The following ZNF462 variants were observed in gnomAD, a reference collection of about 807,000 sequenced individuals.
ZNF462 encodes zinc finger PBX1-interacting protein.
ZNF462 carries 10 observed loss-of-function variants against 201.9 expected under a neutral mutation model. The observed-to-expected ratio is 0.05, with a 90% CI of 0.03 to 0.08. The LOEUF is 0.08. Among genes scored for constraint, ZNF462 ranks in the 10% least tolerant of loss-of-function variants. The pLI is 1.00. For synonymous variants in ZNF462, 1,227 were observed against 1,193.3 expected (o/e 1.03, Z -0.58); for missense variants, 2,523 against 3,168.3 (o/e 0.80, Z 4.89).
At position 106,890,808 on chromosome 9, in the gene ZNF462, A is replaced by G. The variant is rs1828543320; in HGVS notation, c.-31+27453A>G. ...TAGTAGACTATGTTGTTCAATTATC[A>G]TGAGATTACCACATACTCTTGCCTG... On this transcript the variant is annotated intron_variant, in intron 1 of 12. Coordinates refer to ENST00000277225, the MANE Select transcript of ZNF462 (RefSeq NM_021224.6). This position sits in a 1 kb window ranked among gnomAD's most constrained non-coding sequence, Gnocchi z 4.2. 6.6e-6 allele frequency among the ~76,000 whole-genome samples: 1 copy of G among 152,174 alleles called. No homozygotes were observed. Among genetic ancestry groups the G allele is most frequent in the African/African-American group, 2.4e-5 (1 of 41,450 alleles).
rs1319696329 is a variant in ZNF462 at position 106,920,385 on chromosome 9, A to C, written c.-30-2969A>C. On this transcript the variant is annotated intron_variant, in intron 1 of 12. Transcript: ENST00000277225. This position sits in a 1 kb window ranked among gnomAD's most constrained non-coding sequence, Gnocchi z 4.3. Reference sequence around the variant, plus strand: ...ATTTTCTTCTTCTGTCAGCGTCTTCAGGAGAAATGTGTACACAAAAGCAAG... The same window carrying C: ...ATTTTCTTCTTCTGTCAGCGTCTTCCGGAGAAATGTGTACACAAAAGCAAG... 6.6e-6 allele frequency among the ~76,000 whole-genome samples: 1 copy of C among 152,160 alleles called. No individual in the cohort carries two copies. Among genetic ancestry groups the C allele is most frequent in the East Asian group, 1.9e-4 (1 of 5,190 alleles).
At chr9:106,996,738 G>A (rs1828763282) in intron 10 of ZNF462, among the ~76,000 whole-genome samples, 1 of 152,098 alleles carries the variant, frequency 6.6e-6, no homozygotes, top group Non-Finnish European at 1.5e-5. Flanking sequence ...TGGGTAGATT[G>A]TAAAAATTTT....
chr9:106,925,860 T>G lies in ZNF462; in HGVS notation c.1948T>G (p.Ser650Ala). The part of the protein sequence containing the change: ...PLENETDSHP[S>A]SSNTVKKSQT... ...GGAAAATGAGACAGACAGCCACCCC[T>G]CTTCCAGCAACACTGTGAAGAAAAG... The change falls in exon 3 of 13, where the codon TCT (serine) becomes GCT (alanine). Residue 650 changes from serine to alanine, a missense_variant. Physicochemically the swap from Ser to Ala is moderately conservative, Grantham distance 99. Coordinates refer to ENST00000277225, the MANE Select transcript of ZNF462 (RefSeq NM_021224.6). This position sits in a 1 kb window ranked among gnomAD's most constrained non-coding sequence, Gnocchi z 7.9. 6.2e-7 allele frequency: 1 copy of G among 1,614,178 alleles called. No homozygotes were observed. The highest frequency in any genetic ancestry group is 1.7e-5 in the Admixed American group (1 of 60,026).
intron 7 of ZNF462, among the ~76,000 whole-genome samples, chr9:106,959,688 T>C (rs1033819314): frequency 6.6e-6 from 1 of 152,096 alleles, no homozygotes; most frequent in African/African-American, 2.4e-5. Flanking sequence ...GGTTTTGCCA[T>C]CTATATAATG....
At position 106,938,889 on chromosome 9, in the gene ZNF462, C is replaced by A; in HGVS notation, c.6236-27C>A. 6.4e-7 allele frequency: 1 copy of A among 1,574,364 alleles called. No homozygotes were observed. The highest frequency in any genetic ancestry group is 8.6e-7 in the Non-Finnish European group (1 of 1,160,592). Reference sequence around the variant, plus strand: ...ACCCTTCTCCCCTCTTTTTCCTGTTCTATTTCTTGTCACCATCCTCTTCCA... The same window carrying A: ...ACCCTTCTCCCCTCTTTTTCCTGTTATATTTCTTGTCACCATCCTCTTCCA... On this transcript the variant is annotated intron_variant, in intron 6 of 12. Transcript: ENST00000277225. The surrounding 1 kb of genome is among the most constrained non-coding windows in gnomAD (Gnocchi z 4.4).
rs1363989062 is a variant in ZNF462 at position 106,872,179 on chromosome 9, G to A, written c.-31+8824G>A. On this transcript the variant is annotated intron_variant, in intron 1 of 12. Transcript: ENST00000277225. The surrounding 1 kb of genome is among the most constrained non-coding windows in gnomAD (Gnocchi z 4.5). Reference sequence around the variant, plus strand: ...CCATGGGCCTGATGGAGGGTCCTTCGTTTGGGGTACAATTTGAATGCTGGG... The same window carrying A: ...CCATGGGCCTGATGGAGGGTCCTTCATTTGGGGTACAATTTGAATGCTGGG... 6.6e-6 allele frequency among the ~76,000 whole-genome samples: 1 copy of A among 152,128 alleles called. No individual in the cohort carries two copies. Among genetic ancestry groups the A allele is most frequent in the Non-Finnish European group, 1.5e-5 (1 of 68,018 alleles).
intron 1 of ZNF462, among the ~76,000 whole-genome samples, chr9:106,903,705 G>C (rs1175011618): frequency 6.6e-6 from 1 of 152,106 alleles, no homozygotes; most frequent in Non-Finnish European, 1.5e-5. Context: ...AACCACTGTT[G>C]CTTTAAAGTT....
chr9:106,904,744 G>T (rs1211451907), intron 1 of ZNF462, among the ~76,000 whole-genome samples: 5 of 152,160 alleles, frequency 3.3e-5, no homozygotes, highest in Non-Finnish European at 5.9e-5. Context: ...CTAAAAGTGT[G>T]TCCAAAGTTT....
rs1829994306 is a variant in ZNF462 at position 107,012,734 on chromosome 9, T to TTTGGG, written c.*1704_*1705insTTGGG. On this transcript the variant is annotated 3_prime_UTR_variant, in exon 13 of 13. Transcript: ENST00000277225. Reference sequence around the variant, plus strand: ...ATGTTTTTTTTTTTTTTTTTTTACTTGGAAGGGTTGTGGGAGGGTGGGAGG... The same window carrying TTTGGG: ...ATGTTTTTTTTTTTTTTTTTTTACTTTTGGGGGAAGGGTTGTGGGAGGGTGGGAGG... The TTTGGG allele has an allele frequency of 2.7e-5, 2 of 75,304 alleles. No individual in the cohort carries two copies. Among genetic ancestry groups the TTTGGG allele is most frequent in the Admixed American group, 1.6e-4 (1 of 6,234 alleles). 4.7% of individuals were successfully genotyped at this position (75,304 alleles called of 1,614,324 possible).
intron 1 of ZNF462, among the ~76,000 whole-genome samples, chr9:106,877,239 T>A (rs1462945239): frequency 1.3e-5 from 2 of 150,210 alleles, no homozygotes; most frequent in East Asian, 3.9e-4. Context: ...AACATGTAAG[T>A]GGTTCTTTGG....
chr9:106,972,228 G>A lies in ZNF462; in HGVS notation c.6651G>A (p.Lys2217=), dbSNP rs760178385. The A allele has an allele frequency of 1.2e-6, 2 of 1,614,220 alleles. No homozygotes were observed. The highest frequency in any genetic ancestry group is 2.2e-5 in the East Asian group (1 of 44,884). The change falls in exon 8 of 13, where the codon AAG becomes AAA. Residue 2217 remains lysine (K), a synonymous_variant. Transcript: ENST00000277225. This position sits in a 1 kb window ranked among gnomAD's most constrained non-coding sequence, Gnocchi z 4.8. ...RRHYRDKHGG[K]KLFKCKDCSF... ...ATTACCGGGACAAGCATGGTGGGAAGAAGCTTTTCAAGTGCAAAGACTGCT... is the reference window on the plus strand; with the variant it reads ...ATTACCGGGACAAGCATGGTGGGAAAAAGCTTTTCAAGTGCAAAGACTGCT...
chr9:106,961,951 A>T (rs1287459749), intron 7 of ZNF462, among the ~76,000 whole-genome samples: 1 of 152,060 alleles, frequency 6.6e-6, no homozygotes, highest in East Asian at 1.9e-4. Context: ...GAATATTAGA[A>T]GCCTTGTATG....
chr9:106,908,553 T>A (rs986714723), intron 1 of ZNF462, among the ~76,000 whole-genome samples: 2 of 152,052 alleles, frequency 1.3e-5, no homozygotes, highest in African/African-American at 4.8e-5. Context: ...TATGTGTCTC[T>A]TACAGACAGA....
rs1015817444 is a variant in ZNF462 at position 106,926,435 on chromosome 9, G to A, written c.2523G>A (p.Arg841=). Residue 841 remains arginine, a synonymous_variant, in exon 3 of 13, where the codon AGG becomes AGA. Coordinates refer to ENST00000277225, the MANE Select transcript of ZNF462 (RefSeq NM_021224.6). The surrounding 1 kb of genome is among the most constrained non-coding windows in gnomAD (Gnocchi z 7.9). ...ACACAGACTTTGGTGACTCTGGAAG[G>A]CTTTACTATTGTAAACACTGTGACT... ...SENTDFGDSG[R]LYYCKHCDFN... is the part of the protein sequence containing the mutation. 3 of 1,614,002 alleles carry A rather than the reference G, an allele frequency of 1.9e-6. No individual in the cohort carries two copies. Among genetic ancestry groups the A allele is most frequent in the East Asian group, 2.2e-5 (1 of 44,890 alleles).
At chr9:106,884,724 G>T (rs543937901) in intron 1 of ZNF462, among the ~76,000 whole-genome samples, 13 of 152,160 alleles carry the variant, frequency 8.5e-5, no homozygotes, top group Admixed American at 2.6e-4. Flanking sequence ...TACATTTTTG[G>T]TTTTTTTGTT....
chr9:106,986,512 A>T (rs1588160825), intron 10 of ZNF462, among the ~76,000 whole-genome samples: 1 of 152,332 alleles, frequency 6.6e-6, no homozygotes, highest in Middle Eastern at 3.4e-3. Context: ...TTGTGTTCAA[A>T]TATAATAATA....
chr9:106,966,521 T>G lies in ZNF462; in HGVS notation c.6428-5484T>G, dbSNP rs539815305. Reference sequence around the variant, plus strand: ...CTCCATCTCTCTCACTCCCACATTCTGTGAGGCACAAAGTGCTGCTGATTT... The same window carrying G: ...CTCCATCTCTCTCACTCCCACATTCGGTGAGGCACAAAGTGCTGCTGATTT... On this transcript the variant is annotated intron_variant, in intron 7 of 12. Transcript: ENST00000277225. The surrounding 1 kb of genome is among the most constrained non-coding windows in gnomAD (Gnocchi z 4.4). 6.6e-6 allele frequency among the ~76,000 whole-genome samples: 1 copy of G among 152,236 alleles called. No individual in the cohort carries two copies. Among genetic ancestry groups the G allele is most frequent in the African/African-American group, 2.4e-5 (1 of 41,566 alleles).
At chr9:106,899,429 A>G (rs867774879) in intron 1 of ZNF462, among the ~76,000 whole-genome samples, 2 of 152,186 alleles carry the variant, frequency 1.3e-5, no homozygotes, top group Non-Finnish European at 2.9e-5. Flanking sequence ...TCAGCCTTAG[A>G]TGATGGGACA....
In ZNF462 at chr9:106,885,353, A is replaced by G. The variant is rs991286055; in HGVS notation, c.-31+21998A>G. Among the ~76,000 whole-genome samples, 2 of 152,190 alleles carry G rather than the reference A, an allele frequency of 1.3e-5. No individual in the cohort carries two copies. Among genetic ancestry groups the G allele is most frequent in the African/African-American group, 2.4e-5 (1 of 41,452 alleles). The stretch of plus-strand genomic sequence containing the variant: ...TTTTAGAAGTAGAAGAGAAGAAACA[A>G]TTGAGTAGAAAAAGAAAATAATTTG... On this transcript the variant is annotated intron_variant, in intron 1 of 12. Coordinates refer to ENST00000277225, the MANE Select transcript of ZNF462 (RefSeq NM_021224.6). The surrounding 1 kb of genome is among the most constrained non-coding windows in gnomAD (Gnocchi z 4.1).
Sources: gnomAD v4.1 joint callset for allele counts (sites outside exome capture counted in the v4.1 genomes callset) on GRCh38, gnomAD v4.1.1 for gene constraint, Gnocchi (gnomAD v3.1) non-coding constraint, MANE v1.5 for transcripts, NCBI Gene and HGNC (gene_info 2026-07-23, HGNC 2026-07-21) for gene names.